The following KPNA6 variants were observed in gnomAD, a reference collection of about 807,000 sequenced individuals.
The protein encoded by KPNA6 is karyopherin subunit alpha 6.
In KPNA6, 9 loss-of-function variants were observed where a neutral mutation model predicts 72.0. The observed-to-expected ratio is 0.13, with a 90% confidence interval of 0.08 to 0.22. The LOEUF (loss-of-function observed/expected upper bound fraction) is 0.22, where lower values mean the gene tolerates loss of function less well. Among genes scored for constraint, KPNA6 ranks in the 10% least tolerant of loss-of-function variants. The pLI is 1.00. For synonymous variants in KPNA6, 219 were observed against 242.1 expected (o/e 0.90, Z 0.89); for missense variants, 374 against 655.7 (o/e 0.57, Z 4.69).
intron 13 of KPNA6, among the ~76,000 whole-genome samples, chr1:32,170,313 T>C (rs1482376944): frequency 1.3e-5 from 2 of 152,188 alleles, no homozygotes; most frequent in Admixed American, 6.5e-5. Context: ...TGGATTTGGC[T>C]CATCTTTTGA....
Position 32,159,410 on chromosome 1 carries a change from C to G in KPNA6, c.437C>G (p.Ala146Gly). 1 of 1,613,946 alleles carries G rather than the reference C, an allele frequency of 6.2e-7. No homozygotes were observed. Among genetic ancestry groups the G allele is most frequent in the South Asian group, 1.1e-5 (1 of 91,066 alleles). Reference protein sequence around the residue: ...NENCTLQFEAAWALTNIASGT... With the variant: ...NENCTLQFEAGWALTNIASGT... ...TAATCTCACTTTCAGTTTGAAGCTGCCTGGGCTCTAACGAATATTGCCTCT... is the reference window on the plus strand; with the variant it reads ...TAATCTCACTTTCAGTTTGAAGCTGGCTGGGCTCTAACGAATATTGCCTCT... The change falls in exon 6 of 14, where the codon GCC becomes GGC. Residue 146 changes from alanine (A) to glycine (G), a missense_variant. Physicochemically the swap from Ala to Gly is moderately conservative, Grantham distance 60. Transcript: ENST00000373625.
At chr1:32,163,065 C>T (rs1457159210) in intron 9 of KPNA6, among the ~76,000 whole-genome samples, 170 bp from the exon 10 acceptor site, 9 of 150,568 alleles carry the variant, frequency 6.0e-5, no homozygotes, top group African/African-American at 2.2e-4. Context: ...GATCGCGCCA[C>T]TGCACTCTAG....
At chr1:32,139,139 A>G (rs1167638235) in intron 1 of KPNA6, among the ~76,000 whole-genome samples, 1 of 152,194 alleles carries the variant, frequency 6.6e-6, no homozygotes, top group African/African-American at 2.4e-5. Flanking sequence ...TATATAATAA[A>G]TATTTGAATG....
At position 32,167,864 on chromosome 1, in the gene KPNA6, A is replaced by C. The variant is rs377414065; in HGVS notation, c.1244+568A>C. The stretch of plus-strand genomic sequence containing the variant: ...GCCAGAGTCTGTCACAAAAAAAAAA[A>C]AAAACAAAAAAAAACAAGCAAGCTG... On this transcript the variant is annotated intron_variant, in intron 12 of 13. Transcript: ENST00000373625. Among the ~76,000 whole-genome samples, 1,351 of 148,616 alleles carry C rather than the reference A, an allele frequency of 9.1e-3. 20 individuals are homozygous for C. The highest frequency in any genetic ancestry group is 0.033 in the African/African-American group (1,269 of 38,460).
rs770131825 is a variant in KPNA6 at position 32,170,828 on chromosome 1, C to T, written c.1545C>T (p.Val515=). The T allele has an allele frequency of 1.5e-5, 25 of 1,614,066 alleles. No homozygotes were observed. The Middle Eastern group carries it at 4.9e-4, about 32-fold the overall frequency. ...ATGATAGCAGCCTGGCTCCCCAAGT[C>T]GATGAAACGCAACAGCAGTTCATCT... is the stretch of plus-strand genomic sequence containing the variant. ...EDDDSSLAPQ[V]DETQQQFIFQ... The change falls in exon 14 of 14, where the codon GTC becomes GTT. Residue 515 remains valine (V), a synonymous_variant. Transcript: ENST00000373625.
chr1:32,160,813 A>G (rs1445835588), intron 7 of KPNA6, 110 bp downstream of exon 7: 6 of 733,674 alleles, frequency 8.2e-6, no homozygotes, highest in South Asian at 1.5e-5. Flanking sequence ...TGCAAAAACT[A>G]TAAAAATGCA....
rs558530726 is a variant in KPNA6 at position 32,164,075 on chromosome 1, A to G, written c.990+762A>G. Among the ~76,000 whole-genome samples the G allele has an allele frequency of 2.0e-5, 3 of 152,270 alleles. No homozygotes were observed. In the South Asian group the frequency reaches 6.2e-4, roughly 32 times the overall value. Reference sequence around the variant, plus strand: ...GTAACTCCCCATTCTCCCTTCCCCTAGTGCCTAGTAACCACCATTCTATTT... The same window carrying G: ...GTAACTCCCCATTCTCCCTTCCCCTGGTGCCTAGTAACCACCATTCTATTT... On this transcript the variant is annotated intron_variant, in intron 10 of 13. Coordinates refer to ENST00000373625, the MANE Select transcript of KPNA6 (RefSeq NM_012316.5).
chr1:32,128,387 T>TAATATA (rs1553127101), intron 1 of KPNA6, among the ~76,000 whole-genome samples: 1 of 72,168 alleles, frequency 1.4e-5, no homozygotes, highest in Non-Finnish European at 2.8e-5. Context: ...ATATATGTAT[T>TAATATA]TATATATATA....
At chr1:32,133,623 C>G (rs1298241490) in intron 1 of KPNA6, among the ~76,000 whole-genome samples, 1 of 151,872 alleles carries the variant, frequency 6.6e-6, no homozygotes, top group Non-Finnish European at 1.5e-5. Context: ...AAGGTCTAGG[C>G]TGCAGGGAGT....
intron 1 of KPNA6, among the ~76,000 whole-genome samples, chr1:32,109,003 A>G: frequency 6.6e-6 from 1 of 152,166 alleles, no homozygotes; most frequent in East Asian, 1.9e-4. Flanking sequence ...CATTGTTCTG[A>G]TTGCTTTACA....
At chr1:32,116,792 C>G (rs1481572477) in intron 1 of KPNA6, among the ~76,000 whole-genome samples, 1 of 152,190 alleles carries the variant, frequency 6.6e-6, no homozygotes, top group East Asian at 1.9e-4. Flanking sequence ...TGGAGACATG[C>G]AACTGCCCCT....
At chr1:32,156,975 C>T (rs1642156434) in intron 3 of KPNA6, 30 bp downstream of exon 3, 1 of 1,512,060 alleles carries the variant, frequency 6.6e-7, no homozygotes, top group Non-Finnish European at 9.1e-7. Flanking sequence ...CTCAGGCTGA[C>T]CTGGAAAACA....
At chr1:32,119,011 TATATATA>T (rs1641378356) in intron 1 of KPNA6, among the ~76,000 whole-genome samples, 1 of 67,674 alleles carries the variant, frequency 1.5e-5, no homozygotes, top group African/African-American at 8.3e-5. Flanking sequence ...TATATATATA[TATATATA>T]TATATATATA....
intron 1 of KPNA6, among the ~76,000 whole-genome samples, chr1:32,134,769 A>C (rs1038320717): frequency 1.3e-5 from 2 of 152,194 alleles, no homozygotes; most frequent in Non-Finnish European, 2.9e-5. Flanking sequence ...ATTTAAATGA[A>C]ATGTCCAGAG....
intron 1 of KPNA6, among the ~76,000 whole-genome samples, chr1:32,109,769 C>CGAGTA (rs1310681825): frequency 2.6e-5 from 4 of 150,972 alleles, no homozygotes; most frequent in African/African-American, 4.9e-5. Context: ...CTCAGCCTCC[C>CGAGTA]GAGTAGTTGG....
At chr1:32,115,040 G>C (rs189095766) in intron 1 of KPNA6, among the ~76,000 whole-genome samples, 1 of 152,034 alleles carries the variant, frequency 6.6e-6, no homozygotes, top group African/African-American at 2.4e-5. Flanking sequence ...GTGTTTCGCC[G>C]TGTTGGCCAG....
rs1642500293 is a variant in KPNA6 at position 32,174,924 on chromosome 1, A to G, written c.*4030A>G. On this transcript the variant is annotated 3_prime_UTR_variant, in exon 14 of 14. Coordinates refer to ENST00000373625, the MANE Select transcript of KPNA6 (RefSeq NM_012316.5). Reference sequence around the variant, plus strand: ...ATTTAGGATTGCATGTTCTGGACCAACCTTGTCCAGTATGTTTTCTGTTTG... The same window carrying G: ...ATTTAGGATTGCATGTTCTGGACCAGCCTTGTCCAGTATGTTTTCTGTTTG... 2 of 152,186 alleles carry G rather than the reference A, an allele frequency of 1.3e-5. 1 individual carries two copies. The highest frequency in any genetic ancestry group is 4.1e-4 in the South Asian group (2 of 4,832). 9.4% of individuals were successfully genotyped at this position (152,186 alleles called of 1,614,324 possible).
intron 12 of KPNA6, among the ~76,000 whole-genome samples, chr1:32,169,319 C>T (rs184635157): frequency 5.7e-4 from 86 of 150,756 alleles, no homozygotes; most frequent in African/African-American, 1.9e-3. Context: ...GAGCTGGGAT[C>T]GCACCAGTGC....
chr1:32,145,333 T>C (rs1269080013), intron 1 of KPNA6, among the ~76,000 whole-genome samples: 1 of 151,530 alleles, frequency 6.6e-6, no homozygotes, highest in East Asian at 1.9e-4. Flanking sequence ...TATTTCTTTT[T>C]TTTTTTTTTG....
Sources: gnomAD v4.1 joint callset for allele counts (sites outside exome capture counted in the v4.1 genomes callset) on GRCh38, gnomAD v4.1.1 for gene constraint, MANE v1.5 for transcripts, NCBI Gene and HGNC (gene_info 2026-07-23, HGNC 2026-07-21) for gene names.